Variants in DIAPH1 observed in about 807,000 individuals in gnomAD.
The protein encoded by DIAPH1 is diaphanous related formin 1.
Under a neutral mutation model 140.7 loss-of-function variants are expected in DIAPH1, and 46 were observed. The ratio of observed to expected loss-of-function variants is 0.33; its 90% CI spans 0.26 to 0.42. The LOEUF (loss-of-function observed/expected upper bound fraction) is 0.42, where lower values mean the gene tolerates loss of function less well. Ranked by LOEUF, DIAPH1 falls within the 10% of genes least tolerant of loss-of-function variation. DIAPH1 has a pLI of 1.00. For missense variants in DIAPH1, 1,310 were observed against 1,558.7 expected (o/e 0.84, Z 2.69); for synonymous variants, 565 against 551.6 (o/e 1.02, Z -0.34).
At chr5:141,569,751 A>G (rs2099894877) in intron 18 of DIAPH1, among the ~76,000 whole-genome samples, 1 of 151,988 alleles carries the variant, frequency 6.6e-6, no homozygotes, top group Admixed American at 6.6e-5. Flanking sequence ...ACAGAGCAAC[A>G]CTCTGTCTCA....
At chr5:141,550,837 G>A (rs2099891576) in intron 18 of DIAPH1, among the ~76,000 whole-genome samples, 2 of 152,042 alleles carry the variant, frequency 1.3e-5, no homozygotes, top group Non-Finnish European at 2.9e-5. Flanking sequence ...TGCTCTCCTG[G>A]ACCTCAATTA....
intron 27 of DIAPH1, among the ~76,000 whole-genome samples, chr5:141,522,021 T>G (rs1453127721): frequency 6.6e-6 from 1 of 152,188 alleles, no homozygotes; most frequent in Non-Finnish European, 1.5e-5. Flanking sequence ...GGTCTTTTGA[T>G]CCCTACCTAG....
chr5:141,544,417 A>G (rs1454088930), intron 18 of DIAPH1, among the ~76,000 whole-genome samples: 1 of 152,176 alleles, frequency 6.6e-6, no homozygotes, highest in Non-Finnish European at 1.5e-5. Flanking sequence ...TTTTGAAGCC[A>G]TTATTAAGAA....
At chr5:141,519,079 A>G (rs1192275457) in intron 27 of DIAPH1, 3 of 1,275,068 alleles carry the variant, frequency 2.4e-6, no homozygotes, top group Non-Finnish European at 1.1e-6. Context: ...TATGTGCCCG[A>G]GACTGTGGGA....
chr5:141,521,815 G>C (rs1015704869), intron 27 of DIAPH1, among the ~76,000 whole-genome samples: 3 of 152,040 alleles, frequency 2.0e-5, no homozygotes, highest in Non-Finnish European at 4.4e-5. Context: ...TTTGAGAATG[G>C]GGCCATCTAA....
intron 17 of DIAPH1, 36 bp downstream of exon 17, chr5:141,571,890 A>G (rs781765639): frequency 2.1e-6 from 3 of 1,434,368 alleles, no homozygotes; most frequent in Non-Finnish European, 3.0e-6. Flanking sequence ...TCTAAGCCCT[A>G]CACTGGACCT....
chr5:141,530,593 T>C (rs2099888059), intron 19 of DIAPH1, among the ~76,000 whole-genome samples: 1 of 152,158 alleles, frequency 6.6e-6, no homozygotes, highest in Admixed American at 6.5e-5. Context: ...CCACCCTTCT[T>C]GGCAGGTCCT....
intron 19 of DIAPH1, among the ~76,000 whole-genome samples, chr5:141,529,899 C>A (rs1303277078): frequency 6.6e-6 from 1 of 152,036 alleles, no homozygotes; most frequent in Admixed American, 6.6e-5. Context: ...GCCTAGGCAA[C>A]ATGGGGAAAC....
chr5:141,578,459 G>C, intron 10 of DIAPH1, 56 bp downstream of exon 10: 1 of 1,536,342 alleles, frequency 6.5e-7, no homozygotes, highest in Non-Finnish European at 9.0e-7. Context: ...GGATTATTGG[G>C]GCTGTAGAGC....
chr5:141,584,274 T>A (rs1469939732), intron 3 of DIAPH1, 49 bp from the exon 4 acceptor site: 1 of 1,081,730 alleles, frequency 9.2e-7, no homozygotes, highest in Non-Finnish European at 1.4e-6. Context: ...TCAAATTCTT[T>A]ACAAATTTTT....
Position 141,580,600 on chromosome 5 carries a change from T to C in DIAPH1, c.824+144A>G, listed in dbSNP as rs115640696. ...TAGGAATTGTTCTTAAATTTTAAGA[T>C]GCTTAGTGTTCACTTCTGGGAAGAA... On this transcript the variant is annotated intron_variant, in intron 8 of 27. Transcript: ENST00000389054. 2.1e-4 allele frequency: 169 copies of C among 792,866 alleles called. No individual in the cohort carries two copies. The African/African-American group carries it at 2.6e-3, about 12-fold the overall frequency. The allele number at this position is 792,866 out of a possible 1,614,324, so 49.1% of individuals were successfully genotyped here.
Position 141,526,030 on chromosome 5 carries a change from C to G in DIAPH1, c.3574+8G>C, listed in dbSNP as rs372735919. The G allele has an allele frequency of 1.7e-4, 277 of 1,613,826 alleles. No individual in the cohort carries two copies. The highest frequency in any genetic ancestry group is 2.3e-4 in the Non-Finnish European group (266 of 1,180,038). On this transcript the variant is annotated splice_region_variant and intron_variant, in intron 26 of 27. Transcript: ENST00000389054. ...ATCTCAGCCCATCAACCCGTCTTCA[C>G]TCCTCACCTGCATTCATGTCTATGA... is the stretch of plus-strand genomic sequence containing the variant.
chr5:141,537,724 G>GA (rs1050354271), intron 18 of DIAPH1, among the ~76,000 whole-genome samples: 12 of 151,646 alleles, frequency 7.9e-5, no homozygotes, highest in African/African-American at 2.4e-4. Flanking sequence ...GACTTAAATG[G>GA]AAAAAAAAGT....
intron 1 of DIAPH1, among the ~76,000 whole-genome samples, chr5:141,591,938 C>A (rs756975052): frequency 5.9e-4 from 89 of 150,176 alleles, no homozygotes; most frequent in Non-Finnish European, 7.7e-4. Flanking sequence ...AAAAATTAGA[C>A]GGGTGTGGTG....
At chr5:141,568,016 C>T (rs1288964568) in intron 18 of DIAPH1, among the ~76,000 whole-genome samples, 1 of 152,178 alleles carries the variant, frequency 6.6e-6, no homozygotes, top group African/African-American at 2.4e-5. Context: ...GTTCACATAA[C>T]ACACCTCTTA....
chr5:141,552,903 C>T (rs951150251), intron 18 of DIAPH1, among the ~76,000 whole-genome samples: 2 of 152,194 alleles, frequency 1.3e-5, no homozygotes, highest in African/African-American at 4.8e-5. Context: ...GCCTCCAGAA[C>T]TGTGAGAAAT....
At chr5:141,518,958 C>T (rs1324063299) in intron 27 of DIAPH1, 11 of 1,519,906 alleles carry the variant, frequency 7.2e-6, no homozygotes, top group Non-Finnish European at 9.8e-6. Flanking sequence ...TTAAAGGTCT[C>T]CTCCTCCTCC....
rs555347243 is a variant in DIAPH1 at position 141,548,209 on chromosome 5, A to AC, written c.2483-13777dup. Among the ~76,000 whole-genome samples the AC allele has an allele frequency of 7.5e-3, 1,132 of 151,830 alleles. 20 individuals carry two copies. Among genetic ancestry groups the AC allele is most frequent in the African/African-American group, 0.026 (1,076 of 41,382 alleles). Reference sequence around the variant, plus strand: ...GCAAGATCTTGTTTCAAAAAAAAAAACCTCAAAATAGCAGGGGGTGGAACA... The same window carrying AC: ...GCAAGATCTTGTTTCAAAAAAAAAAACCCTCAAAATAGCAGGGGGTGGAACA... On this transcript the variant is annotated intron_variant, in intron 18 of 27. Coordinates refer to ENST00000389054, the MANE Select transcript of DIAPH1 (RefSeq NM_005219.5).
At chr5:141,572,165 C>A in intron 16 of DIAPH1, 125 bp from the exon 17 acceptor site, 1 of 726,044 alleles carries the variant, frequency 1.4e-6, no homozygotes. Context: ...TAGAATAAGA[C>A]TAACTTGAGG....
Sources: allele counts gnomAD v4.1 joint callset (sites outside exome capture counted in the v4.1 genomes callset), GRCh38; gene constraint gnomAD v4.1.1; transcripts MANE v1.5; gene names NCBI Gene and HGNC (gene_info 2026-07-23, HGNC 2026-07-21).